LRRC4C: variants seen among roughly 807,000 people sequenced by gnomAD.
The protein encoded by LRRC4C is leucine rich repeat containing 4C.
In LRRC4C, 5 loss-of-function variants were observed where a neutral mutation model predicts 33.6. The observed-to-expected ratio is 0.15, with a 90% CI of 0.08 to 0.31. LRRC4C has a LOEUF of 0.31. LRRC4C is among the 10% of genes least tolerant of loss of function. The pLI is 1.00. For synonymous variants in LRRC4C, 329 were observed against 302.0 expected, an observed-to-expected ratio of 1.09 and a Z score of -0.93; for missense variants, 560 against 796.7, an observed-to-expected ratio of 0.70 and a Z score of 3.58.
intron 1 of LRRC4C, among the ~76,000 whole-genome samples, chr11:41,310,186 G>C (rs1191463988): frequency 2.0e-5 from 3 of 152,158 alleles, no homozygotes; most frequent in Non-Finnish European, 4.4e-5. Context: ...ACTAAAAGAG[G>C]TTTTTTGTTT....
At chr11:41,312,832 T>G (rs1394796362) in intron 1 of LRRC4C, among the ~76,000 whole-genome samples, 1 of 152,166 alleles carries the variant, frequency 6.6e-6, no homozygotes, top group African/African-American at 2.4e-5. Context: ...GCAATTTAGG[T>G]CTGACATGTA....
At chr11:41,432,501 G>A (rs1288814304) in intron 1 of LRRC4C, among the ~76,000 whole-genome samples, 5 of 152,128 alleles carry the variant, frequency 3.3e-5, no homozygotes, top group African/African-American at 9.7e-5. Flanking sequence ...TAGATATCAT[G>A]TGATTTTAAT....
intron 2 of LRRC4C, among the ~76,000 whole-genome samples, chr11:40,895,749 C>T (rs952489556): frequency 2.0e-5 from 3 of 152,106 alleles, no homozygotes; most frequent in African/African-American, 4.8e-5. Context: ...GTTAAAATTA[C>T]ACTAAATTGC....
At chr11:40,917,659 G>A (rs1466505104) in intron 2 of LRRC4C, among the ~76,000 whole-genome samples, 1 of 152,078 alleles carries the variant, frequency 6.6e-6, no homozygotes, top group African/African-American at 2.4e-5. Flanking sequence ...TAAAGTTAGT[G>A]AGGCTTACTC....
intron 1 of LRRC4C, among the ~76,000 whole-genome samples, chr11:41,278,880 G>C (rs537599931): frequency 2.6e-5 from 4 of 152,198 alleles, no homozygotes; most frequent in African/African-American, 9.6e-5. Flanking sequence ...TGTTGCATGG[G>C]TAAATTACAT....
intron 1 of LRRC4C, among the ~76,000 whole-genome samples, chr11:41,454,711 C>T (rs1209324294): frequency 2.0e-5 from 3 of 152,026 alleles, no homozygotes; most frequent in Non-Finnish European, 4.4e-5. Flanking sequence ...TCTGATGAAG[C>T]CATGGTACAT....
At chr11:40,416,693 A>G (rs1950336199) in intron 3 of LRRC4C, among the ~76,000 whole-genome samples, 1 of 152,228 alleles carries the variant, frequency 6.6e-6, no homozygotes, top group Non-Finnish European at 1.5e-5. Flanking sequence ...ACAATAAGGC[A>G]AAGTGAGATT....
intron 3 of LRRC4C, among the ~76,000 whole-genome samples, chr11:40,407,380 G>A (rs1309137447): frequency 6.6e-6 from 1 of 152,002 alleles, no homozygotes; most frequent in Non-Finnish European, 1.5e-5. Context: ...GAAATAGCCA[G>A]GTTGATTTGA....
intron 2 of LRRC4C, among the ~76,000 whole-genome samples, chr11:40,817,363 G>A (rs1221109198): frequency 6.6e-6 from 1 of 152,140 alleles, no homozygotes; most frequent in African/African-American, 2.4e-5. Context: ...TATGAAGAAA[G>A]CTGAGAGTAA....
intron 3 of LRRC4C, among the ~76,000 whole-genome samples, chr11:40,388,332 T>C (rs920496387): frequency 1.3e-5 from 2 of 152,180 alleles, no homozygotes; most frequent in Non-Finnish European, 2.9e-5. Context: ...CCTTGTTTTA[T>C]TGAGCTCAGG....
chr11:40,148,071 T>C lies in LRRC4C; in HGVS notation c.-95-7218A>G, dbSNP rs114947320. ...CATCCATGTCCATACTATGGCTGCATAGTATTCTATGGTATATATGTACCA... is the reference window on the plus strand; with the variant it reads ...CATCCATGTCCATACTATGGCTGCACAGTATTCTATGGTATATATGTACCA... On this transcript the variant is annotated intron_variant, in intron 5 of 6. Transcript: ENST00000528697. 3.8e-3 allele frequency among the ~76,000 whole-genome samples: 576 copies of C among 152,274 alleles called. 6 individuals are homozygous for C. The highest frequency in any genetic ancestry group is 0.013 in the African/African-American group (530 of 41,564).
chr11:41,111,791 G>C (rs1590627664), intron 1 of LRRC4C, among the ~76,000 whole-genome samples: 2 of 152,118 alleles, frequency 1.3e-5, no homozygotes, highest in Non-Finnish European at 2.9e-5. Context: ...TACATATCTG[G>C]TGGTGGTACC....
intron 4 of LRRC4C, among the ~76,000 whole-genome samples, chr11:40,254,650 C>A (rs551989814): frequency 6.6e-6 from 1 of 152,274 alleles, no homozygotes; most frequent in African/African-American, 2.4e-5. Flanking sequence ...TGAATATTTT[C>A]ATTCATTATT....
intron 1 of LRRC4C, among the ~76,000 whole-genome samples, chr11:41,114,983 G>A (rs1276694748): frequency 3.9e-5 from 6 of 151,964 alleles, no homozygotes; most frequent in Admixed American, 1.3e-4. Context: ...GATGAGGGCC[G>A]GGATAAAACA....
intron 2 of LRRC4C, among the ~76,000 whole-genome samples, chr11:40,797,879 T>C (rs1258830044): frequency 5.9e-5 from 9 of 152,204 alleles, no homozygotes; most frequent in Admixed American, 5.2e-4. Context: ...CCACACTCCA[T>C]CTACATGACA....
intron 3 of LRRC4C, among the ~76,000 whole-genome samples, chr11:40,628,695 C>G (rs1963196048): frequency 6.6e-6 from 1 of 152,138 alleles, no homozygotes; most frequent in Non-Finnish European, 1.5e-5. Context: ...ACGAAGAAAA[C>G]AGTAGGAAAT....
intron 5 of LRRC4C, among the ~76,000 whole-genome samples, chr11:40,235,695 A>C (rs936965682): frequency 1.3e-5 from 2 of 152,226 alleles, no homozygotes; most frequent in African/African-American, 4.8e-5. Context: ...ACATATCAAC[A>C]TGACACTCAT....
chr11:41,102,471 C>T (rs191981831), intron 1 of LRRC4C, among the ~76,000 whole-genome samples: 11 of 152,060 alleles, frequency 7.2e-5, no homozygotes, highest in South Asian at 4.2e-4. Flanking sequence ...TCCATGAATT[C>T]GTATTGAAGT....
chr11:40,529,318 A>G (rs943675783), intron 3 of LRRC4C, among the ~76,000 whole-genome samples: 2 of 152,118 alleles, frequency 1.3e-5, no homozygotes, highest in Non-Finnish European at 2.9e-5. Flanking sequence ...TGTATATTAT[A>G]TTCTATATTT....
Sources: allele counts gnomAD v4.1 joint callset (sites outside exome capture counted in the v4.1 genomes callset), GRCh38; gene constraint gnomAD v4.1.1; transcripts MANE v1.5; gene names NCBI Gene and HGNC (gene_info 2026-07-23, HGNC 2026-07-21).